The following VPS13A variants were observed in gnomAD, a reference collection of about 807,000 sequenced individuals.
VPS13A encodes vacuolar protein sorting 13 homolog A.
In VPS13A, 264 loss-of-function variants were observed where a neutral mutation model predicts 390.9. The observed-to-expected ratio is 0.68, with a 90% CI of 0.61 to 0.75. The LOEUF is 0.75. VPS13A is among the 30% of genes least tolerant of loss of function. VPS13A has a pLI of 0.00. For missense variants in VPS13A, 3,409 were observed against 3,733.9 expected, an observed-to-expected ratio of 0.91 and a Z score of 2.27; for synonymous variants, 1,231 against 1,227.1, an observed-to-expected ratio of 1.00 and a Z score of -0.07.
chr9:77,421,196 T>A lies in VPS13A; in HGVS notation c.*5190T>A, dbSNP rs1030785421. 1.3e-5 allele frequency: 2 copies of A among 152,212 alleles called. No homozygotes were observed. Among genetic ancestry groups the A allele is most frequent in the African/African-American group, 2.4e-5 (1 of 41,458 alleles). The allele number at this position is 152,212 out of a possible 1,614,324, so 9.4% of individuals were successfully genotyped here. A position where few individuals can be genotyped will look rare whatever the true frequency, so the allele number is the denominator to read the frequency against. ...ATACGGTCATTGATTATGATAATTT[T>A]AAAAATATCTATTTCTGCATCGCTG... On this transcript the variant is annotated 3_prime_UTR_variant, in exon 72 of 72. Coordinates refer to ENST00000360280, the MANE Select transcript of VPS13A (RefSeq NM_033305.3).
rs568587983 is a variant in VPS13A at position 77,245,806 on chromosome 9, G to A, written c.1901-1453G>A. On this transcript the variant is annotated intron_variant, in intron 19 of 71. Coordinates refer to ENST00000360280, the MANE Select transcript of VPS13A (RefSeq NM_033305.3). ...TTTTATAAAGACTACTGGAGGCAGC[G>A]TAATTTGTGAAGAAAAGAGGTTTAT... 1.0e-3 allele frequency among the ~76,000 whole-genome samples: 153 copies of A among 152,246 alleles called. 1 individual carries two copies. The highest frequency in any genetic ancestry group is 3.1e-3 in the African/African-American group (127 of 41,544).
intron 71 of VPS13A, among the ~76,000 whole-genome samples, chr9:77,415,203 T>C (rs560667664): frequency 6.6e-6 from 1 of 152,342 alleles, no homozygotes; most frequent in Admixed American, 6.5e-5. Context: ...AATAAAGTTT[T>C]CTTTTAATTC....
At chr9:77,282,315 TA>T in intron 29 of VPS13A, 41 bp downstream of exon 29, 5 of 1,481,752 alleles carry the variant, frequency 3.4e-6, no homozygotes, top group Non-Finnish European at 2.8e-6. Context: ...TTTTTTTTTT[TA>T]ACCATGTAGG....
chr9:77,193,750 A>G (rs1824824043), intron 1 of VPS13A, among the ~76,000 whole-genome samples: 2 of 152,214 alleles, frequency 1.3e-5, no homozygotes, highest in South Asian at 4.1e-4. Context: ...ATTCTTTCTC[A>G]TCTTTGTGGG....
At chr9:77,210,573 A>C (rs777830324) in intron 6 of VPS13A, 43 bp from the exon 7 acceptor site, 12 of 1,585,980 alleles carry the variant, frequency 7.6e-6, no homozygotes, top group Non-Finnish European at 1.0e-5. Flanking sequence ...ATTTTATCCA[A>C]CTACTAAAAA....
intron 52 of VPS13A, among the ~76,000 whole-genome samples, chr9:77,346,529 A>G (rs1226903496): frequency 6.6e-6 from 1 of 152,050 alleles, no homozygotes; most frequent in Non-Finnish European, 1.5e-5. Context: ...TTTTTAGTTT[A>G]ATTAGGTCCC....
chr9:77,237,977 C>CT (rs780587770), intron 17 of VPS13A, 25 bp from the exon 18 acceptor site: 2 of 1,538,480 alleles, frequency 1.3e-6, no homozygotes, highest in South Asian at 1.2e-5. Flanking sequence ...TGATCGCTGA[C>CT]TTTTTTCTTT....
intron 22 of VPS13A, among the ~76,000 whole-genome samples, chr9:77,256,584 A>T (rs185721331): frequency 3.9e-5 from 6 of 152,242 alleles, no homozygotes; most frequent in Admixed American, 3.9e-4. Flanking sequence ...ACAGTGAGAT[A>T]TTGAAGTCTC....
At chr9:77,265,697 G>A (rs1825998856) in intron 23 of VPS13A, among the ~76,000 whole-genome samples, 1 of 151,908 alleles carries the variant, frequency 6.6e-6, no homozygotes, top group South Asian at 2.1e-4. Context: ...TTCTTTATTA[G>A]TCTGGCTAGC....
chr9:77,314,499 C>T lies in VPS13A; in HGVS notation c.4247C>T (p.Ser1416Phe), dbSNP rs1237724488. ...VLYSPGPKQA[S>F]FTDVRDPSLK... ...TGTTGGTTTCTCCTTTCATAGGCTT[C>T]CTTTACAGATGTTCGTGATCCTTCT... Residue 1416 changes from serine to phenylalanine, a missense_variant, in exon 37 of 72, where the codon TCC (serine) becomes TTC (phenylalanine). Physicochemically the swap from Ser to Phe is radical, Grantham distance 155. Transcript: ENST00000360280. The T allele has an allele frequency of 6.2e-7, 1 of 1,611,668 alleles. No individual in the cohort carries two copies. Among genetic ancestry groups the T allele is most frequent in the South Asian group, 1.1e-5 (1 of 91,000 alleles).
Position 77,247,354 on chromosome 9 carries a change from C to T in VPS13A, c.1996C>T (p.Pro666Ser), listed in dbSNP as rs760782322. 2 of 1,612,308 alleles carry T rather than the reference C, an allele frequency of 1.2e-6. No individual in the cohort carries two copies. ...TGTCCCACAAGATGGAATTTTTAGTCCTACATCAAATCTGCTTCTTTTGGA... is the reference window on the plus strand; with the variant it reads ...TGTCCCACAAGATGGAATTTTTAGTTCTACATCAAATCTGCTTCTTTTGGA... ...IIVPQDGIFS[P>S]TSNLLLLDLG... The change falls in exon 20 of 72, where the codon CCT becomes TCT. Residue 666 changes from proline to serine, a missense_variant. Pro to Ser is a moderately conservative substitution (Grantham distance 74). Around this residue, in one of 5 missense-constraint regions of VPS13A, gnomAD observed 2,717 missense variants for 2,917.4 expected, o/e 0.93. Transcript: ENST00000360280.
intron 22 of VPS13A, among the ~76,000 whole-genome samples, chr9:77,256,135 TA>T (rs1196804948): frequency 6.6e-6 from 1 of 152,098 alleles, no homozygotes; most frequent in Non-Finnish European, 1.5e-5. Flanking sequence ...TTTACAGCTA[TA>T]AAGTCCGCTT....
At position 77,332,037 on chromosome 9, in the gene VPS13A, T is replaced by C. The variant is rs866281197; in HGVS notation, c.6019T>C (p.Ser2007Pro). The change falls in exon 46 of 72, where the codon TCT becomes CCT. Residue 2007 changes from serine to proline, a missense_variant. Transcript: ENST00000360280. ...AAGAAATCATTTTTCAGTCCCACTG[T>C]CTGTTTACGAAGGGGATACCTTATT... The part of the protein sequence containing the change: ...QIRNHFSVPL[S>P]VYEGDTLLGT... The C allele has an allele frequency of 6.2e-7, 1 of 1,611,594 alleles. No individual in the cohort carries two copies. Among genetic ancestry groups the C allele is most frequent in the Non-Finnish European group, 8.5e-7 (1 of 1,178,150 alleles).
intron 68 of VPS13A, among the ~76,000 whole-genome samples, chr9:77,387,291 T>C (rs1474097997): frequency 6.6e-6 from 1 of 152,236 alleles, no homozygotes; most frequent in Admixed American, 6.5e-5. Context: ...TGTTTATCAA[T>C]GGTTCTATAA....
intron 23 of VPS13A, among the ~76,000 whole-genome samples, chr9:77,269,925 T>C (rs1413558221): frequency 1.3e-5 from 2 of 152,188 alleles, no homozygotes; most frequent in Non-Finnish European, 2.9e-5. Context: ...AAAGGAAATT[T>C]GGTCTCACAG....
rs1475619095 is a variant in VPS13A at position 77,213,332 on chromosome 9, G to A, written c.696+18G>A. 1 of 1,585,600 alleles carries A rather than the reference G, an allele frequency of 6.3e-7. No individual in the cohort carries two copies. The highest frequency in any genetic ancestry group is 1.1e-5 in the South Asian group (1 of 90,456). ...ACTCCTTGGTAAGTAAATTTTTTCT[G>A]TATGTATTTGTTGGTATCATATTTT... On this transcript the variant is annotated intron_variant, in intron 9 of 71. Transcript: ENST00000360280.
intron 26 of VPS13A, among the ~76,000 whole-genome samples, chr9:77,279,337 T>A (rs1292424347): frequency 1.3e-5 from 2 of 152,058 alleles, no homozygotes; most frequent in Non-Finnish European, 2.9e-5. Flanking sequence ...AGCCCCTAGT[T>A]GAACTACCCC....
At chr9:77,339,396 T>C in intron 47 of VPS13A, 120 bp from the exon 48 acceptor site, 2 of 918,416 alleles carry the variant, frequency 2.2e-6, no homozygotes, top group Non-Finnish European at 3.2e-6. Flanking sequence ...TCTTCTGACT[T>C]GTTCTGATAG....
chr9:77,199,862 T>A, intron 1 of VPS13A, 83 bp from the exon 2 acceptor site: 1 of 1,131,702 alleles, frequency 8.8e-7, no homozygotes, highest in South Asian at 1.4e-5. Flanking sequence ...TTTTCCTGAT[T>A]ATGACAGGAA....
Sources: allele counts gnomAD v4.1 joint callset (sites outside exome capture counted in the v4.1 genomes callset), GRCh38; gene constraint gnomAD v4.1.1; regional missense constraint gnomAD v4.1.1; transcripts MANE v1.5; gene names NCBI Gene and HGNC (gene_info 2026-07-23, HGNC 2026-07-21).